Variants in ALPL observed in about 807,000 individuals in gnomAD.
ALPL encodes alkaline phosphatase, tissue-nonspecific isozyme.
ALPL carries 42 observed loss-of-function variants against 51.3 expected under a neutral mutation model. That is an observed-to-expected ratio of 0.82 (90% CI 0.64 to 1.06). The LOEUF (loss-of-function observed/expected upper bound fraction) is 1.06, where lower values mean the gene tolerates loss of function less well. Among genes scored for constraint, ALPL ranks in the 50% least tolerant of loss-of-function variants. The pLI, the probability that ALPL is intolerant of heterozygous loss-of-function variation, is 0.00. For missense variants in ALPL, 589 were observed against 709.4 expected (o/e 0.83, Z 1.93); for synonymous variants, 279 against 296.4 (o/e 0.94, Z 0.60).
At chr1:21,546,516 T>C (rs941466918) in intron 1 of ALPL, among the ~76,000 whole-genome samples, 1 of 152,114 alleles carries the variant, frequency 6.6e-6, no homozygotes. Flanking sequence ...TCACAGGATG[T>C]TTTAGGAGAG....
chr1:21,524,835 C>G (rs752239430), intron 1 of ALPL, among the ~76,000 whole-genome samples: 26 of 152,150 alleles, frequency 1.7e-4, no homozygotes, highest in Non-Finnish European at 3.1e-4. Context: ...ATCCCCTGCG[C>G]GATTCCTGGG....
intron 1 of ALPL, among the ~76,000 whole-genome samples, chr1:21,528,032 G>GT (rs1043466885): frequency 2.2e-4 from 32 of 145,246 alleles, no homozygotes; most frequent in South Asian, 1.5e-3. Context: ...TTGTTTTTTT[G>GT]TTTTTTTTGA....
chr1:21,520,976 C>T (rs756895257), intron 1 of ALPL, among the ~76,000 whole-genome samples: 1 of 152,150 alleles, frequency 6.6e-6, no homozygotes, highest in Non-Finnish European at 1.5e-5. Context: ...CCTGCCATCC[C>T]CTCCCCTGCA....
intron 4 of ALPL, among the ~76,000 whole-genome samples, chr1:21,562,615 G>A (rs1440238262): frequency 6.6e-6 from 1 of 152,172 alleles, no homozygotes; most frequent in Non-Finnish European, 1.5e-5. Context: ...GGGCAACCCT[G>A]TGATGGTGGC....
intron 6 of ALPL, among the ~76,000 whole-genome samples, chr1:21,567,537 C>T (rs1318814701): frequency 6.6e-6 from 1 of 152,220 alleles, no homozygotes; most frequent in Non-Finnish European, 1.5e-5. Flanking sequence ...ACGCATTCAG[C>T]CTTCCACCGT....
At chr1:21,535,195 G>A (rs1187334636) in intron 1 of ALPL, among the ~76,000 whole-genome samples, 2 of 152,206 alleles carry the variant, frequency 1.3e-5, no homozygotes, top group South Asian at 2.1e-4. Context: ...TAGGGCAGAC[G>A]CCTGAGAAAG....
At chr1:21,539,740 C>T (rs182572842) in intron 1 of ALPL, among the ~76,000 whole-genome samples, 11 of 151,788 alleles carry the variant, frequency 7.2e-5, no homozygotes, top group African/African-American at 2.7e-4. Context: ...TTGCAAGCTC[C>T]ACCTCCCGAG....
At chr1:21,560,101 C>T (rs1408166363) in intron 2 of ALPL, among the ~76,000 whole-genome samples, 9 of 152,212 alleles carry the variant, frequency 5.9e-5, no homozygotes, top group Admixed American at 5.9e-4. Flanking sequence ...CTTTCCAGCA[C>T]TGCTATTAAA....
intron 2 of ALPL, among the ~76,000 whole-genome samples, chr1:21,554,804 TCTGTCTGTCTG>T (rs201598637): frequency 0.16 from 6,009 of 38,558 alleles, 217 homozygotes; most frequent in Non-Finnish European, 0.18. Flanking sequence ...TGTCTGTCTG[TCTGTCTGTCTG>T]TCTTTCTTTC....
chr1:21,566,398 C>T (rs1162834352), intron 6 of ALPL, among the ~76,000 whole-genome samples: 2 of 152,194 alleles, frequency 1.3e-5, no homozygotes, highest in South Asian at 2.1e-4. Context: ...ATTGTCCTGC[C>T]TCAGCCTCCT....
At position 21,554,027 on chromosome 1, in the gene ALPL, C is replaced by CCCCCCA; in HGVS notation, c.-53_-52insCCCACC. 1 of 1,306,638 alleles carries CCCCCCA rather than the reference C, an allele frequency of 7.7e-7. No homozygotes were observed. Among genetic ancestry groups the CCCCCCA allele is most frequent in the Non-Finnish European group, 1.1e-6 (1 of 904,660 alleles). 80.9% of individuals were successfully genotyped at this position (1,306,638 alleles called of 1,614,324 possible). A position where few individuals can be genotyped will look rare whatever the true frequency, so the allele number is the denominator to read the frequency against. On this transcript the variant is annotated 5_prime_UTR_variant, in exon 2 of 12. Transcript: ENST00000374840. ...ACCACTGCCAGCCCACCCCCTCCCACCCACGTCGATTGCATCTCTGGGCTC... is the reference window on the plus strand; with the variant it reads ...ACCACTGCCAGCCCACCCCCTCCCACCCCCCACCACGTCGATTGCATCTCTGGGCTC...
chr1:21,567,447 G>A (rs1047193739), intron 6 of ALPL, among the ~76,000 whole-genome samples: 5 of 152,234 alleles, frequency 3.3e-5, no homozygotes, highest in African/African-American at 7.2e-5. Context: ...GCCCGGCCCC[G>A]CTGTTTGCCC....
intron 1 of ALPL, among the ~76,000 whole-genome samples, chr1:21,525,911 C>T (rs1251656826): frequency 6.6e-6 from 1 of 152,078 alleles, no homozygotes; most frequent in Non-Finnish European, 1.5e-5. Flanking sequence ...TTGCTTGAAC[C>T]TGGGAGGCAG....
At chr1:21,572,839 A>G (rs1644668642) in intron 8 of ALPL, among the ~76,000 whole-genome samples, 1 of 151,862 alleles carries the variant, frequency 6.6e-6, no homozygotes, top group Admixed American at 6.5e-5. Context: ...AGGAGGGACA[A>G]TGATTCCAAA....
intron 1 of ALPL, among the ~76,000 whole-genome samples, chr1:21,549,651 G>GAA (rs1356007489): frequency 5.9e-5 from 9 of 151,902 alleles, no homozygotes; most frequent in Admixed American, 2.0e-4. Context: ...TTTTTGTAGA[G>GAA]AGAGTTTCAC....
chr1:21,576,790 T>G, intron 11 of ALPL, 149 bp downstream of exon 11: 1 of 1,084,510 alleles, frequency 9.2e-7, no homozygotes, highest in Non-Finnish European at 1.3e-6. Context: ...CCAGGTTGTT[T>G]GATTCAAACA....
chr1:21,570,042 C>G (rs1644623660), intron 7 of ALPL, among the ~76,000 whole-genome samples: 1 of 152,204 alleles, frequency 6.6e-6, no homozygotes, highest in Non-Finnish European at 1.5e-5. Flanking sequence ...AGAACATCAC[C>G]TCCACCAGGA....
intron 1 of ALPL, among the ~76,000 whole-genome samples, chr1:21,536,116 T>C (rs1220501860): frequency 1.3e-5 from 2 of 152,252 alleles, no homozygotes; most frequent in Non-Finnish European, 2.9e-5. Flanking sequence ...GGTTGTAAAC[T>C]TCAATGGACA....
chr1:21,577,453 C>G lies in ALPL; in HGVS notation c.1380C>G (p.Ala460=). 1 of 1,611,618 alleles carries G rather than the reference C, an allele frequency of 6.2e-7. No homozygotes were observed. The highest frequency in any genetic ancestry group is 8.5e-7 in the Non-Finnish European group (1 of 1,179,932). The part of the protein sequence containing the change: ...RHETHGGEDV[A]VFSKGPMAHL... The stretch of plus-strand genomic sequence containing the variant: ...AGACCCACGGCGGGGAGGACGTGGC[C>G]GTCTTCTCCAAGGGCCCCATGGCGC... Residue 460 remains alanine (A), a synonymous_variant, in exon 12 of 12, where the codon GCC becomes GCG. Transcript: ENST00000374840.
Sources: allele counts gnomAD v4.1 joint callset (sites outside exome capture counted in the v4.1 genomes callset), GRCh38; gene constraint gnomAD v4.1.1; transcripts MANE v1.5; gene names NCBI Gene and HGNC (gene_info 2026-07-23, HGNC 2026-07-21).